The following SEMA3D variants were observed in gnomAD, a reference collection of about 807,000 sequenced individuals.
SEMA3D encodes the protein semaphorin 3D, also known as semaphorin-3D.
A neutral mutation model predicts 100.1 loss-of-function variants in SEMA3D; 84 were observed. The ratio of observed to expected loss-of-function variants is 0.84; its 90% CI spans 0.70 to 1.01. The LOEUF (loss-of-function observed/expected upper bound fraction) is 1.01. Ranked by LOEUF, SEMA3D falls within the 50% of genes least tolerant of loss-of-function variation. The probability of loss-of-function intolerance (pLI) is 0.00; values close to 1 mark genes in which losing one functional copy is unlikely to be tolerated. For missense variants in SEMA3D, 875 were observed against 934.1 expected (o/e 0.94, Z 0.82); for synonymous variants, 312 against 320.7 (o/e 0.97, Z 0.29).
At chr7:85,079,518 C>T (rs187700305) in intron 5 of SEMA3D, among the ~76,000 whole-genome samples, 232 of 152,248 alleles carry the variant, frequency 1.5e-3, no homozygotes, top group Non-Finnish European at 2.8e-3. Context: ...CAGAATCCTA[C>T]ATGGTCAAGG....
At chr7:85,228,563 G>A in the SEMA3D span, among the ~76,000 whole-genome samples, 1 of 152,056 alleles carries the variant, frequency 6.6e-6, no homozygotes, top group East Asian at 1.9e-4. Flanking sequence ...CCAGGCCATA[G>A]AGTCAAAATT....
At chr7:85,113,160 C>T (rs750698920) in intron 3 of SEMA3D, among the ~76,000 whole-genome samples, 9 of 152,000 alleles carry the variant, frequency 5.9e-5, no homozygotes, top group Admixed American at 3.3e-4. Flanking sequence ...ACAATTGCAG[C>T]GTAAACTGTA....
chr7:85,131,302 G>T (rs1377830395), intron 2 of SEMA3D, among the ~76,000 whole-genome samples: 1 of 151,932 alleles, frequency 6.6e-6, no homozygotes, highest in Non-Finnish European at 1.5e-5. Flanking sequence ...AAAGAAACAA[G>T]CAAGCAAATA....
chr7:85,025,378 C>A (rs1490483357), intron 12 of SEMA3D, among the ~76,000 whole-genome samples: 1 of 152,028 alleles, frequency 6.6e-6, no homozygotes, highest in East Asian at 1.9e-4. Flanking sequence ...CAGCAACCAG[C>A]CCTGGTTCAG....
the SEMA3D span, among the ~76,000 whole-genome samples, chr7:85,203,110 C>G: frequency 6.6e-6 from 1 of 152,276 alleles, no homozygotes; most frequent in African/African-American, 2.4e-5. Flanking sequence ...CATATTGTCT[C>G]TCTTTTCTCA....
chr7:85,124,119 AC>A (rs1789502722), intron 2 of SEMA3D, among the ~76,000 whole-genome samples: 1 of 151,924 alleles, frequency 6.6e-6, no homozygotes, highest in African/African-American at 2.4e-5. Context: ...TGCCATTGCC[AC>A]AAAACAGTCA....
chr7:85,162,981 C>G, intron 1 of SEMA3D: 1 of 863,528 alleles, frequency 1.2e-6, no homozygotes, highest in Non-Finnish European at 1.4e-6. Context: ...GGTTTAGAGG[C>G]CGAGGACATC....
chr7:85,133,556 A>G (rs187244265), intron 2 of SEMA3D, among the ~76,000 whole-genome samples: 166 of 152,074 alleles, frequency 1.1e-3, no homozygotes, highest in African/African-American at 3.5e-3. Context: ...AAAATCCTCA[A>G]TAATTAAACT....
chr7:85,109,372 TAAAC>T (rs1018918480), intron 3 of SEMA3D, among the ~76,000 whole-genome samples: 2 of 152,022 alleles, frequency 1.3e-5, no homozygotes, highest in African/African-American at 4.8e-5. Flanking sequence ...ATTACTTAGA[TAAAC>T]AAGATTCTTT....
intron 2 of SEMA3D, among the ~76,000 whole-genome samples, chr7:85,146,699 A>G (rs1562834726): frequency 3.9e-5 from 6 of 152,138 alleles, no homozygotes; most frequent in Non-Finnish European, 5.9e-5. Context: ...AAATGGAGAA[A>G]TAAGACACAA....
intron 4 of SEMA3D, among the ~76,000 whole-genome samples, chr7:85,088,791 A>G (rs983934763): frequency 5.3e-5 from 8 of 152,142 alleles, no homozygotes; most frequent in Non-Finnish European, 8.8e-5. Flanking sequence ...TTCCAAGAAA[A>G]TGTGCTTCAA....
upstream of SEMA3D, among the ~76,000 whole-genome samples, chr7:85,188,810 T>A (rs1050200570): frequency 1.3e-5 from 2 of 152,204 alleles, no homozygotes; most frequent in African/African-American, 2.4e-5. Flanking sequence ...ATACTTTCCA[T>A]AAAGCCCTTA....
At chr7:85,187,735 A>G (rs536780887), upstream of SEMA3D, among the ~76,000 whole-genome samples, 1 of 152,298 alleles carries the variant, frequency 6.6e-6, no homozygotes, top group South Asian at 2.1e-4. Context: ...ATCCTATGCA[A>G]TTGGAATAGA....
intron 11 of SEMA3D, 110 bp from the exon 12 acceptor site, chr7:85,037,143 A>G (rs749698676): frequency 2.0e-6 from 2 of 982,746 alleles, no homozygotes; most frequent in Non-Finnish European, 3.0e-6. Context: ...TAGCACATTA[A>G]ATTTGATGGG....
chr7:85,217,208 CT>C, the SEMA3D span, among the ~76,000 whole-genome samples: 2 of 152,044 alleles, frequency 1.3e-5, no homozygotes, highest in East Asian at 1.9e-4. Context: ...ACATAGAGGC[CT>C]TCAAACCTTA....
chr7:85,185,474 G>C (rs1371508441), intron 1 of SEMA3D, among the ~76,000 whole-genome samples: 1 of 152,180 alleles, frequency 6.6e-6, no homozygotes, highest in East Asian at 1.9e-4. Flanking sequence ...AAGTGGTGGG[G>C]TTTTGGTGAT....
At chr7:85,107,852 T>C (rs938162604) in intron 3 of SEMA3D, among the ~76,000 whole-genome samples, 1 of 152,066 alleles carries the variant, frequency 6.6e-6, no homozygotes, top group African/African-American at 2.4e-5. Context: ...TTATTCCTAC[T>C]GCCCGCCATA....
At chr7:85,156,988 A>C (rs1790616710) in intron 1 of SEMA3D, among the ~76,000 whole-genome samples, 1 of 152,228 alleles carries the variant, frequency 6.6e-6, no homozygotes, top group Non-Finnish European at 1.5e-5. Flanking sequence ...GTGTGTTTGC[A>C]TAATGGTTTA....
At position 85,022,405 on chromosome 7, in the gene SEMA3D, A is replaced by C; in HGVS notation, c.1400T>G (p.Met467Arg). The C allele has an allele frequency of 1.2e-6, 2 of 1,611,200 alleles. No individual in the cohort carries two copies. Among genetic ancestry groups the C allele is most frequent in the Non-Finnish European group, 1.7e-6 (2 of 1,177,806 alleles). ...VIAEDGQYDVMFLGTDIGTVL... is the reference protein window; with the variant it reads ...VIAEDGQYDVRFLGTDIGTVL... ...TTTTAGCTTACCTGTTCCAAGAAAC[A>C]TTACATCGTACTGGCCATCTTCTGC... Residue 467 changes from methionine (M) to arginine (R), a missense_variant, in exon 13 of 19, where the codon ATG becomes AGG. By Grantham distance (91) the Met-to-Arg change is moderately conservative (BLOSUM62 -1). Coordinates refer to ENST00000284136, the MANE Select transcript of SEMA3D (RefSeq NM_001384900.1).
Sources: allele counts gnomAD v4.1 joint callset (sites outside exome capture counted in the v4.1 genomes callset), GRCh38; gene constraint gnomAD v4.1.1; transcripts MANE v1.5; gene names NCBI Gene and HGNC (gene_info 2026-07-23, HGNC 2026-07-21).